The following SHANK2 variants were observed in gnomAD, a reference collection of about 807,000 sequenced individuals.
SHANK2 encodes the protein SH3 and multiple ankyrin repeat domains 2, also known as SH3 and multiple ankyrin repeat domains protein 2.
SHANK2 carries 43 observed loss-of-function variants against 133.7 expected under a neutral mutation model. That is an observed-to-expected ratio of 0.32 (90% CI 0.25 to 0.41). SHANK2 has a LOEUF of 0.41. SHANK2 is among the 10% of genes least tolerant of loss of function. SHANK2 has a pLI of 1.00. For synonymous variants in SHANK2, 1,017 were observed against 952.8 expected (o/e 1.07, Z -1.24); for missense variants, 1,994 against 2,235.8 (o/e 0.89, Z 2.18).
chr11:71,248,875 C>A (rs972304102), intron 1 of SHANK2, among the ~76,000 whole-genome samples: 4 of 152,182 alleles, frequency 2.6e-5, no homozygotes, highest in Non-Finnish European at 4.4e-5. Context: ...CCATCACAAG[C>A]CCTGTCACAA....
At position 70,486,533 on chromosome 11, in the gene SHANK2, G is replaced by A. The variant is rs782145610; in HGVS notation, c.3760C>T (p.Arg1254Trp). 2.5e-6 allele frequency: 4 copies of A among 1,614,108 alleles called. No homozygotes were observed. The highest frequency in any genetic ancestry group is 1.1e-5 in the South Asian group (1 of 91,084). ...NKPLYIDTKM[R>W]PSLDAGFPTV... Reference sequence around the variant, plus strand: ...GGGAAGCCGGCATCCAGGCTGGGCCGCATTTTGGTATCAATGTAAAGAGGT... The same window carrying A: ...GGGAAGCCGGCATCCAGGCTGGGCCACATTTTGGTATCAATGTAAAGAGGT... Residue 1254 changes from arginine (R) to tryptophan (W), a missense_variant, in exon 25 of 26, where the codon CGG becomes TGG. By Grantham distance (101) the Arg-to-Trp change is moderately radical. Transcript: ENST00000601538. The surrounding 1 kb of genome is among the most constrained non-coding windows in gnomAD (Gnocchi z 8.0).
chr11:70,569,371 G>C lies in SHANK2; in HGVS notation c.2062-66440C>G, dbSNP rs1464704567. Among the ~76,000 whole-genome samples the C allele has an allele frequency of 1.3e-5, 2 of 152,210 alleles. No individual in the cohort carries two copies. The highest frequency in any genetic ancestry group is 2.9e-5 in the Non-Finnish European group (2 of 68,040). ...GCATCTTGCCCCGGTTTCCAGGTGC[G>C]GTGGAGCGGGGAGCTCCGGGGCTGG... is the stretch of plus-strand genomic sequence containing the variant. On this transcript the variant is annotated intron_variant, in intron 17 of 25. Coordinates refer to ENST00000601538, the MANE Select transcript of SHANK2 (RefSeq NM_012309.5). This position sits in a 1 kb window ranked among gnomAD's most constrained non-coding sequence, Gnocchi z 5.1.
intron 13 of SHANK2, among the ~76,000 whole-genome samples, chr11:70,800,663 A>T (rs1555050321): frequency 6.6e-6 from 1 of 152,242 alleles, no homozygotes; most frequent in African/African-American, 2.4e-5. Context: ...CCAGGTGACC[A>T]GGACAATCAT....
intron 2 of SHANK2, among the ~76,000 whole-genome samples, chr11:71,158,627 G>T (rs1952950757): frequency 6.6e-6 from 1 of 152,184 alleles, no homozygotes; most frequent in Admixed American, 6.5e-5. Flanking sequence ...TGATCTTAAA[G>T]CTCAAAGAAG....
intron 11 of SHANK2, among the ~76,000 whole-genome samples, chr11:70,876,241 T>TATATATACACACAC (rs1461810961): frequency 7.4e-4 from 11 of 14,864 alleles, no homozygotes; most frequent in Admixed American, 3.0e-3. Context: ...CACACACATA[T>TATATATACACACAC]AGACACACAC....
At chr11:70,619,464 T>G (rs2060801082) in intron 17 of SHANK2, among the ~76,000 whole-genome samples, 1 of 152,166 alleles carries the variant, frequency 6.6e-6, no homozygotes, top group African/African-American at 2.4e-5. Context: ...TGCCTCCCCC[T>G]TATAAGGACG....
chr11:70,575,902 C>T (rs1373157293), intron 17 of SHANK2, among the ~76,000 whole-genome samples: 1 of 151,720 alleles, frequency 6.6e-6, no homozygotes, highest in East Asian at 1.9e-4. Flanking sequence ...GTTTTAATTC[C>T]TTACGGCAGA....
chr11:70,751,852 TA>T (rs148351759), intron 14 of SHANK2, among the ~76,000 whole-genome samples: 18,979 of 144,348 alleles, frequency 0.13, 1,439 homozygotes, highest in Non-Finnish European at 0.17. Context: ...ATTGCTTTAA[TA>T]AAAAAAAAAG....
chr11:70,482,545 G>A (rs782116565), intron 25 of SHANK2, among the ~76,000 whole-genome samples: 7 of 152,204 alleles, frequency 4.6e-5, no homozygotes, highest in Non-Finnish European at 7.3e-5. Flanking sequence ...AAGTAGCCTC[G>A]GCTCAGTAGC....
chr11:70,584,952 T>C (rs2060229275), intron 17 of SHANK2, among the ~76,000 whole-genome samples: 1 of 152,232 alleles, frequency 6.6e-6, no homozygotes, highest in African/African-American at 2.4e-5. Context: ...GTCTGGTGCA[T>C]GCTGGTGCCT....
intron 11 of SHANK2, among the ~76,000 whole-genome samples, chr11:70,871,715 AG>A (rs1243958602): frequency 5.9e-5 from 9 of 152,150 alleles, no homozygotes; most frequent in Admixed American, 5.2e-4. Flanking sequence ...CCTGGTACTC[AG>A]GGGCCCTGCA....
At chr11:70,659,690 C>T in intron 17 of SHANK2, 138 bp downstream of exon 17, 3 of 1,060,960 alleles carry the variant, frequency 2.8e-6, no homozygotes, top group South Asian at 1.4e-5. Flanking sequence ...GTGGGAGAAA[C>T]TGACCAATGA....
chr11:70,784,269 C>T (rs1394617724), intron 14 of SHANK2, among the ~76,000 whole-genome samples: 1 of 150,068 alleles, frequency 6.7e-6, no homozygotes, highest in Non-Finnish European at 1.5e-5. Context: ...CTCCGCCTCC[C>T]AGGTTCAAGT....
At chr11:70,789,673 C>A (rs1002216733) in intron 14 of SHANK2, among the ~76,000 whole-genome samples, 3 of 152,200 alleles carry the variant, frequency 2.0e-5, no homozygotes, top group Admixed American at 1.3e-4. Context: ...TGCTGCTCAT[C>A]TGGGTAGGTG....
chr11:70,786,761 A>G (rs1342647602), intron 14 of SHANK2, among the ~76,000 whole-genome samples: 1 of 152,084 alleles, frequency 6.6e-6, no homozygotes, highest in Non-Finnish European at 1.5e-5. Context: ...GAGGAAGAAT[A>G]TTTGTTCATG....
intron 17 of SHANK2, among the ~76,000 whole-genome samples, chr11:70,590,048 G>C (rs77715984): frequency 0.037 from 5,599 of 152,288 alleles, 139 homozygotes; most frequent in East Asian, 0.098. Context: ...CCAGCTACTC[G>C]GGAGGCTGAG....
rs562111730 is a variant in SHANK2, at chr11:70,664,817, G to A, written c.1854-3139C>T. Among the ~76,000 whole-genome samples, 19 of 152,306 alleles carry A rather than the reference G, an allele frequency of 1.2e-4. No individual in the cohort carries two copies. In the South Asian group the frequency reaches 2.5e-3, roughly 20 times the overall value. ...GTGGCTGGTGGAGGCACAGGCTTTG[G>A]CATCACACGGAGCGTGGTTCAAATC... On this transcript the variant is annotated intron_variant, in intron 15 of 25. Coordinates refer to ENST00000601538, the MANE Select transcript of SHANK2 (RefSeq NM_012309.5).
chr11:71,251,532 C>A (rs1948179324), intron 1 of SHANK2, among the ~76,000 whole-genome samples: 1 of 150,910 alleles, frequency 6.6e-6, no homozygotes. Context: ...GCCTGGGCCG[C>A]GGGCTGGGCG....
chr11:70,715,636 C>A (rs368784859), intron 14 of SHANK2, among the ~76,000 whole-genome samples: 4 of 152,336 alleles, frequency 2.6e-5, no homozygotes, highest in East Asian at 1.9e-4. Flanking sequence ...TCAGTGGAAG[C>A]ATGTATACCA....
Sources: allele counts gnomAD v4.1 joint callset (sites outside exome capture counted in the v4.1 genomes callset), GRCh38; gene constraint gnomAD v4.1.1; non-coding constraint Gnocchi (gnomAD v3.1); transcripts MANE v1.5; gene names NCBI Gene and HGNC (gene_info 2026-07-23, HGNC 2026-07-21).